The following ACYP2 variants were observed in gnomAD, a reference collection of about 807,000 sequenced individuals.
The protein encoded by ACYP2 is acylphosphatase 2.
Under a neutral mutation model 11.2 loss-of-function variants are expected in ACYP2, and 12 were observed. The observed-to-expected ratio is 1.08, with a 90% CI of 0.69 to 1.74. The LOEUF (loss-of-function observed/expected upper bound fraction) is 1.74. Ranked by LOEUF, ACYP2 falls within the 40% of genes most tolerant of loss-of-function variation. The pLI is 0.00. For missense variants in ACYP2, 134 were observed against 101.9 expected, an observed-to-expected ratio of 1.31 and a Z score of -1.35; for synonymous variants, 43 against 32.2, an observed-to-expected ratio of 1.33 and a Z score of -1.13.
intron 4 of ACYP2, among the ~76,000 whole-genome samples, chr2:54,116,167 A>G (rs372285146): frequency 4.6e-5 from 7 of 152,318 alleles, no homozygotes; most frequent in African/African-American, 1.7e-4. Context: ...AGATGGTTTA[A>G]GGTTAATTTT....
At chr2:54,302,044 C>G (rs540003381) in intron 6 of ACYP2, among the ~76,000 whole-genome samples, 1 of 152,184 alleles carries the variant, frequency 6.6e-6, no homozygotes, top group African/African-American at 2.4e-5. Flanking sequence ...CCAGGCCATA[C>G]TTTTGGCTGG....
chr2:53,973,785 C>A lies in ACYP2; in HGVS notation c.37C>A (p.Pro13Thr). 2.9e-6 allele frequency: 1 copy of A among 347,380 alleles called. No individual in the cohort carries two copies. Among genetic ancestry groups the A allele is most frequent in the Non-Finnish European group, 5.2e-6 (1 of 193,576 alleles). The allele number at this position is 347,380 out of a possible 1,614,324, so 21.5% of individuals were successfully genotyped here. A position where few individuals can be genotyped will look rare whatever the true frequency, so the allele number is the denominator to read the frequency against. Reference sequence around the variant, plus strand: ...ACAAAGCCTGTTTGGTGGTCTCTTCCCACGGACGCGCGAGACAATGAGGAG... The same window carrying A: ...ACAAAGCCTGTTTGGTGGTCTCTTCACACGGACGCGCGAGACAATGAGGAG... The change falls in exon 2 of 7, where the codon CCA becomes ACA. Residue 13 changes from proline to threonine, a missense_variant. Physicochemically the swap from Pro to Thr is conservative, Grantham distance 38. Transcript: ENST00000607452.
chr2:53,986,664 G>A (rs1274465391), intron 2 of ACYP2, among the ~76,000 whole-genome samples: 2 of 145,798 alleles, frequency 1.4e-5, no homozygotes, highest in Non-Finnish European at 3.0e-5. Flanking sequence ...TCACTCTGTT[G>A]CCCAGGATGG....
intron 4 of ACYP2, chr2:54,080,071 C>A: frequency 4.9e-6 from 1 of 205,060 alleles, no homozygotes; most frequent in East Asian, 1.1e-4. Context: ...TCCTGACTAC[C>A]TTGCTGTGAA....
At chr2:54,181,564 T>G (rs978318792) in intron 6 of ACYP2, among the ~76,000 whole-genome samples, 1 of 152,194 alleles carries the variant, frequency 6.6e-6, no homozygotes, top group African/African-American at 2.4e-5. Context: ...AATATTAATT[T>G]CCTGTTAACT....
chr2:54,263,160 T>C (rs1428517489), intron 6 of ACYP2, among the ~76,000 whole-genome samples: 3 of 152,212 alleles, frequency 2.0e-5, no homozygotes, highest in African/African-American at 7.2e-5. Flanking sequence ...GTGTGGCATC[T>C]GCTCATCTTC....
chr2:54,034,020 A>G (rs1332510593), intron 2 of ACYP2, among the ~76,000 whole-genome samples: 1 of 152,368 alleles, frequency 6.6e-6, no homozygotes, highest in Middle Eastern at 3.4e-3. Context: ...TAGTGGTTCC[A>G]TAAGACTGTA....
At chr2:54,091,136 T>C (rs955809595) in intron 4 of ACYP2, among the ~76,000 whole-genome samples, 1 of 152,248 alleles carries the variant, frequency 6.6e-6, no homozygotes, top group East Asian at 1.9e-4. Flanking sequence ...TTTTATGTCT[T>C]AACTCAACAT....
intron 4 of ACYP2, among the ~76,000 whole-genome samples, chr2:54,063,851 G>A (rs1676597655): frequency 6.6e-6 from 1 of 152,166 alleles, no homozygotes; most frequent in South Asian, 2.1e-4. Context: ...GGGGCTGGTG[G>A]TGGTGAAAGG....
intron 6 of ACYP2, among the ~76,000 whole-genome samples, chr2:54,233,822 G>C (rs1686351658): frequency 1.3e-5 from 2 of 152,070 alleles, no homozygotes; most frequent in African/African-American, 4.8e-5. Context: ...AAGGTCACGG[G>C]AAAATGGAAT....
chr2:54,207,727 T>A (rs187760196), intron 6 of ACYP2, among the ~76,000 whole-genome samples: 110 of 152,318 alleles, frequency 7.2e-4, no homozygotes, highest in Non-Finnish European at 1.4e-3. Context: ...CACTCCAAAA[T>A]TGAGTGAATA....
At chr2:54,095,473 G>A (rs1436126320) in intron 4 of ACYP2, among the ~76,000 whole-genome samples, 2 of 151,372 alleles carry the variant, frequency 1.3e-5, no homozygotes, top group African/African-American at 4.9e-5. Context: ...GGGCAGAGGC[G>A]CCCCTCACCT....
At chr2:54,127,011 C>T (rs1395569878) in intron 4 of ACYP2, among the ~76,000 whole-genome samples, 2 of 149,552 alleles carry the variant, frequency 1.3e-5, no homozygotes, top group East Asian at 3.9e-4. Context: ...AGATTATAGG[C>T]AGTTGCATGG....
intron 2 of ACYP2, among the ~76,000 whole-genome samples, chr2:54,033,128 G>A (rs574914630): frequency 4.6e-5 from 7 of 152,000 alleles, no homozygotes; most frequent in African/African-American, 7.2e-5. Flanking sequence ...TGAGGTCTGC[G>A]AAATTAATGA....
intron 4 of ACYP2, among the ~76,000 whole-genome samples, chr2:54,081,592 C>A (rs1250862690): frequency 6.6e-6 from 1 of 152,178 alleles, no homozygotes; most frequent in Non-Finnish European, 1.5e-5. Flanking sequence ...TATAAGCACA[C>A]CCCGTAATGC....
At chr2:54,276,646 CA>C (rs1213181170) in intron 6 of ACYP2, among the ~76,000 whole-genome samples, 17 of 113,870 alleles carry the variant, frequency 1.5e-4, no homozygotes, top group African/African-American at 4.7e-4. Flanking sequence ...CACACACACA[CA>C]CACACACACA....
chr2:54,237,082 G>C (rs1340060789), intron 6 of ACYP2, among the ~76,000 whole-genome samples: 2 of 152,036 alleles, frequency 1.3e-5, no homozygotes, highest in Admixed American at 6.5e-5. Context: ...ATTGTATTAG[G>C]TATTATAAGT....
At chr2:54,073,247 C>T (rs1677157901) in intron 4 of ACYP2, among the ~76,000 whole-genome samples, 1 of 151,974 alleles carries the variant, frequency 6.6e-6, no homozygotes, top group Non-Finnish European at 1.5e-5. Flanking sequence ...TCAAAATGAG[C>T]CAGGTGTGGT....
chr2:54,119,174 T>C (rs1679998408), intron 4 of ACYP2, among the ~76,000 whole-genome samples: 1 of 148,688 alleles, frequency 6.7e-6, no homozygotes, highest in South Asian at 2.2e-4. Flanking sequence ...CTCAGCCTCC[T>C]CTTGAGTAGT....
Sources: gnomAD v4.1 joint callset for allele counts (sites outside exome capture counted in the v4.1 genomes callset) on GRCh38, gnomAD v4.1.1 for gene constraint, MANE v1.5 for transcripts, NCBI Gene and HGNC (gene_info 2026-07-23, HGNC 2026-07-21) for gene names.